Variants in ZNF765 observed in about 807,000 individuals in gnomAD.
ZNF765 encodes zinc finger protein 765.
A neutral mutation model predicts 44.7 loss-of-function variants in ZNF765; 37 were observed. That is an observed-to-expected ratio of 0.83 (90% CI 0.64 to 1.09). The LOEUF (loss-of-function observed/expected upper bound fraction) is 1.09. ZNF765 is among the 50% of genes least tolerant of loss of function. ZNF765 has a pLI of 0.00. For synonymous variants in ZNF765, 201 were observed against 213.7 expected (o/e 0.94, Z 0.52); for missense variants, 594 against 626.1 (o/e 0.95, Z 0.55).
chr19:53,408,787 A>T lies in ZNF765; in HGVS notation c.1232A>T (p.Tyr411Phe). Residue 411 changes from tyrosine to phenylalanine, a missense_variant, in exon 4 of 4, where the codon TAC (tyrosine) becomes TTC (phenylalanine). Tyr to Phe is a conservative substitution (Grantham distance 22). Coordinates refer to ENST00000396408, the MANE Select transcript of ZNF765 (RefSeq NM_001040185.3). ...HRRLHTEEKP[Y>F]KCNECGKTFN... ...AGACTTCATACTGAAGAGAAACCTT[A>T]CAAGTGTAATGAGTGTGGCAAGACC... The T allele has an allele frequency of 1.2e-6, 2 of 1,614,222 alleles. No homozygotes were observed. Among genetic ancestry groups the T allele is most frequent in the Non-Finnish European group, 1.7e-6 (2 of 1,180,034 alleles).
At chr19:53,418,479 T>C (rs2085887901) in intron 3 of ZNF765, among the ~76,000 whole-genome samples, 1 of 152,108 alleles carries the variant, frequency 6.6e-6, no homozygotes, top group Admixed American at 6.5e-5. Context: ...TGCTGCCCTC[T>C]CATATAATAC....
chr19:53,400,226 C>G (rs184016634), intron 2 of ZNF765, among the ~76,000 whole-genome samples: 1 of 152,114 alleles, frequency 6.6e-6, no homozygotes, highest in East Asian at 1.9e-4. Flanking sequence ...GATATTTGAT[C>G]CTGCTGGTTG....
chr19:53,406,432 T>C (rs995947457), intron 3 of ZNF765, among the ~76,000 whole-genome samples: 2 of 152,144 alleles, frequency 1.3e-5, no homozygotes, highest in African/African-American at 4.8e-5. Flanking sequence ...TGTCTGCTGG[T>C]GGCAAGTAGA....
In ZNF765 at chr19:53,410,640, T is replaced by C; in HGVS notation, c.*1513T>C. ...TCAGTTACACTACAACCATTGCGAA[T>C]CATTGGAGAATCCATAATGAAGAGA... On this transcript the variant is annotated 3_prime_UTR_variant, in exon 4 of 4. Coordinates refer to ENST00000396408, the MANE Select transcript of ZNF765 (RefSeq NM_001040185.3). 2.1e-6 allele frequency: 1 copy of C among 481,818 alleles called. No homozygotes were observed. The allele number at this position is 481,818 out of a possible 1,614,324, so 29.8% of individuals were successfully genotyped here. A position where few individuals can be genotyped will look rare whatever the true frequency, so the allele number is the denominator to read the frequency against.
intron 1 of ZNF765, among the ~76,000 whole-genome samples, chr19:53,396,199 GC>G (rs1164272029): frequency 6.6e-6 from 1 of 151,952 alleles, no homozygotes; most frequent in Admixed American, 6.6e-5. Context: ...AGAGGGAGAA[GC>G]ACAGCAGGGA....
exon 4 of ZNF765, chr19:53,424,303 A>AT (rs1491558726): frequency 6.9e-6 from 1 of 144,774 alleles, no homozygotes; most frequent in Non-Finnish European, 1.5e-5. Context: ...AAAAAAAAAA[A>AT]GAAAAGAAAA....
chr19:53,422,636 G>A (rs577450948), intron 3 of ZNF765, among the ~76,000 whole-genome samples: 3 of 151,920 alleles, frequency 2.0e-5, no homozygotes, highest in South Asian at 4.2e-4. Flanking sequence ...GTGCAGTGGC[G>A]CGATCTTGCC....
rs1483886092 is a variant in ZNF765 at position 53,410,658 on chromosome 19, TGAA to T, written c.*1534_*1536del. ...TTGCGAATCATTGGAGAATCCATAA[TGAA>T]GAGAGATCATACTAGTTTAATAAAT... On this transcript the variant is annotated 3_prime_UTR_variant, in exon 4 of 4. Coordinates refer to ENST00000396408, the MANE Select transcript of ZNF765 (RefSeq NM_001040185.3). 5 of 481,130 alleles carry T rather than the reference TGAA, an allele frequency of 1.0e-5. No homozygotes were observed. Among genetic ancestry groups the T allele is most frequent in the Non-Finnish European group, 2.1e-5 (5 of 238,614 alleles). The allele number at this position is 481,130 out of a possible 1,614,324, so 29.8% of individuals were successfully genotyped here.
downstream of ZNF765, among the ~76,000 whole-genome samples, chr19:53,415,636 A>C (rs755678318): frequency 5.3e-5 from 8 of 152,178 alleles, no homozygotes; most frequent in Non-Finnish European, 7.3e-5. Flanking sequence ...ATTTTCTCAC[A>C]GTTCACAGAT....
intron 1 of ZNF765, among the ~76,000 whole-genome samples, chr19:53,396,100 A>C (rs1470144132): frequency 6.6e-6 from 1 of 152,058 alleles, no homozygotes; most frequent in Non-Finnish European, 1.5e-5. Context: ...GAGGGACAGC[A>C]AAGAGGGAGG....
rs1201958388 is a variant in ZNF765 at position 53,409,124 on chromosome 19, G to T, written c.1569G>T (p.Val523=). ...RRIYTGEKLH[V] The stretch of plus-strand genomic sequence containing the variant: ...TTTATACTGGAGAGAAACTACACGT[G>T]TAATGAGTGTGGTAAGACCTTCAAT... Residue 523 remains valine (V), a synonymous_variant, in exon 4 of 4, where the codon GTG becomes GTT. Coordinates refer to ENST00000396408, the MANE Select transcript of ZNF765 (RefSeq NM_001040185.3). 6.2e-7 allele frequency: 1 copy of T among 1,611,492 alleles called. No homozygotes were observed.
chr19:53,413,930 C>CAAAAAAAA (rs386389261), downstream of ZNF765, among the ~76,000 whole-genome samples: 22 of 79,784 alleles, frequency 2.8e-4, no homozygotes, highest in South Asian at 6.0e-4. Flanking sequence ...GCTAGAAAGA[C>CAAAAAAAA]AAAAAAAAAA....
chr19:53,403,134 C>T (rs2085744159), intron 3 of ZNF765, among the ~76,000 whole-genome samples: 1 of 151,212 alleles, frequency 6.6e-6, no homozygotes, highest in African/African-American at 2.4e-5. Flanking sequence ...GCACTCCAGA[C>T]TGGCGACAGA....
exon 4 of ZNF765, chr19:53,426,902 G>C (rs1357320663): frequency 6.6e-6 from 1 of 151,022 alleles, no homozygotes; most frequent in African/African-American, 2.5e-5. Flanking sequence ...TCGTTCCCAC[G>C]GACCATGCTC....
chr19:53,414,298 C>T (rs1284940290), downstream of ZNF765, among the ~76,000 whole-genome samples: 1 of 147,312 alleles, frequency 6.8e-6, no homozygotes, highest in Non-Finnish European at 1.5e-5. Flanking sequence ...TCCTTTGCCA[C>T]AGGGGAGAAC....
chr19:53,407,005 A>G (rs1419629301), intron 3 of ZNF765, among the ~76,000 whole-genome samples: 1 of 152,258 alleles, frequency 6.6e-6, no homozygotes, highest in East Asian at 1.9e-4. Flanking sequence ...TTATTCAGAA[A>G]AACATTGTAT....
chr19:53,405,912 T>TATATAA (rs1298275275), intron 3 of ZNF765, among the ~76,000 whole-genome samples: 1 of 52,738 alleles, frequency 1.9e-5, no homozygotes, highest in Admixed American at 1.6e-4. Flanking sequence ...ACTATATATA[T>TATATAA]ATATATATAT....
At chr19:53,400,624 T>A (rs2085714796) in intron 2 of ZNF765, among the ~76,000 whole-genome samples, 2 of 151,942 alleles carry the variant, frequency 1.3e-5, no homozygotes, top group African/African-American at 4.8e-5. Flanking sequence ...CATACACATA[T>A]ACATATACAT....
At chr19:53,416,575 T>G (rs1237643148), downstream of ZNF765, among the ~76,000 whole-genome samples, 1 of 152,084 alleles carries the variant, frequency 6.6e-6, no homozygotes, top group Non-Finnish European at 1.5e-5. Flanking sequence ...AATTTGTCAA[T>G]CTAGCTAGAA....
Sources: gnomAD v4.1 joint callset for allele counts (sites outside exome capture counted in the v4.1 genomes callset) on GRCh38, gnomAD v4.1.1 for gene constraint, MANE v1.5 for transcripts, NCBI Gene and HGNC (gene_info 2026-07-23, HGNC 2026-07-21) for gene names.